Variants in MYLK observed in about 807,000 individuals in gnomAD.
The protein encoded by MYLK is myosin light chain kinase, smooth muscle.
A neutral mutation model predicts 203.4 loss-of-function variants in MYLK; 106 were observed. The ratio of observed to expected loss-of-function variants is 0.52; its 90% CI spans 0.45 to 0.61. MYLK has a LOEUF of 0.61. Among genes scored for constraint, MYLK ranks in the 20% least tolerant of loss-of-function variants. MYLK has a pLI of 0.00. For synonymous variants in MYLK, 867 were observed against 959.5 expected (o/e 0.90, Z 1.78); for missense variants, 2,072 against 2,442.3 (o/e 0.85, Z 3.20).
chr3:123,664,376 C>T (rs886841855), intron 22 of MYLK, 118 bp from the exon 23 acceptor site: 3 of 1,423,722 alleles, frequency 2.1e-6, no homozygotes, highest in Non-Finnish European at 3.0e-6. Flanking sequence ...TGTGGGGGGG[C>T]TCAGTCTGGT....
At chr3:123,617,340 A>G (rs1007578764) in intron 33 of MYLK, 1 of 152,166 alleles carries the variant, frequency 6.6e-6, no homozygotes, top group Non-Finnish European at 1.5e-5. Flanking sequence ...CCCAAATGCA[A>G]TGGTAATGGT....
Position 123,694,534 on chromosome 3 carries a change from G to T in MYLK, c.3449-1683C>A, listed in dbSNP as rs188493276. Among the ~76,000 whole-genome samples the T allele has an allele frequency of 1.9e-3, 291 of 152,278 alleles. 1 individual carries two copies. Among genetic ancestry groups the T allele is most frequent in the African/African-American group, 6.5e-3 (271 of 41,568 alleles). ...GCTTAGCAGAGACCAATCCCATCTGGAAATTTTCCCTCAAGTCAGGGTGGG... is the reference window on the plus strand; with the variant it reads ...GCTTAGCAGAGACCAATCCCATCTGTAAATTTTCCCTCAAGTCAGGGTGGG... On this transcript the variant is annotated intron_variant, in intron 18 of 33. Coordinates refer to ENST00000360304, the MANE Select transcript of MYLK (RefSeq NM_053025.4).
chr3:123,740,464 T>A (rs1430738647), intron 5 of MYLK, among the ~76,000 whole-genome samples: 1 of 152,244 alleles, frequency 6.6e-6, no homozygotes, highest in Non-Finnish European at 1.5e-5. Context: ...GCCTATCTCT[T>A]ACCACACCTA....
intron 19 of MYLK, among the ~76,000 whole-genome samples, chr3:123,688,205 C>T (rs2060530636): frequency 6.6e-6 from 1 of 152,088 alleles, no homozygotes; most frequent in Non-Finnish European, 1.5e-5. Flanking sequence ...GGATGGCTCC[C>T]TGTATCCCAC....
chr3:123,636,893 T>C (rs941357389), intron 29 of MYLK, among the ~76,000 whole-genome samples: 1 of 152,222 alleles, frequency 6.6e-6, no homozygotes, highest in African/African-American at 2.4e-5. Context: ...GGGACTGTCC[T>C]AACAGGCTAT....
At chr3:123,796,124 A>T (rs1169595378) in intron 3 of MYLK, among the ~76,000 whole-genome samples, 1 of 152,198 alleles carries the variant, frequency 6.6e-6, no homozygotes, top group Non-Finnish European at 1.5e-5. Flanking sequence ...GTAGCAATAA[A>T]AGCAAACACT....
intron 2 of MYLK, among the ~76,000 whole-genome samples, chr3:123,837,221 A>G (rs2066493828): frequency 6.6e-6 from 1 of 151,968 alleles, no homozygotes; most frequent in Non-Finnish European, 1.5e-5. Context: ...TAGTAGACAC[A>G]GGGTTTTACC....
intron 3 of MYLK, among the ~76,000 whole-genome samples, chr3:123,809,112 A>G (rs1377234903): frequency 2.0e-5 from 3 of 152,186 alleles, no homozygotes; most frequent in African/African-American, 7.2e-5. Context: ...TTCTCAGTCT[A>G]TAGATAAGAA....
intron 4 of MYLK, among the ~76,000 whole-genome samples, chr3:123,775,256 C>T (rs982579262): frequency 2.0e-5 from 3 of 152,158 alleles, no homozygotes; most frequent in African/African-American, 7.2e-5. Flanking sequence ...TGGTCTCGAA[C>T]TGCTGGCTTC....
chr3:123,727,948 A>G (rs905084605), intron 11 of MYLK, among the ~76,000 whole-genome samples: 1 of 152,210 alleles, frequency 6.6e-6, no homozygotes, highest in African/African-American at 2.4e-5. Flanking sequence ...AGGAGGAGCT[A>G]AAAGAACACC....
chr3:123,750,682 G>C (rs2063165418), intron 5 of MYLK, among the ~76,000 whole-genome samples: 1 of 152,148 alleles, frequency 6.6e-6, no homozygotes, highest in Non-Finnish European at 1.5e-5. Context: ...AATTTCCCCA[G>C]CTCTAAACAG....
chr3:123,803,214 C>T (rs573402407), intron 3 of MYLK, among the ~76,000 whole-genome samples: 6 of 152,142 alleles, frequency 3.9e-5, no homozygotes, highest in Non-Finnish European at 7.3e-5. Flanking sequence ...AAGATTGTTA[C>T]GAGGGTCAGC....
In MYLK at chr3:123,622,094, A is replaced by C. The variant is rs192945318; in HGVS notation, c.5239-1758T>G. 2.6e-5 allele frequency: 4 copies of C among 152,344 alleles called. No individual in the cohort carries two copies. The East Asian group carries it at 7.7e-4, about 29-fold the overall frequency. The allele number at this position is 152,344 out of a possible 1,614,324, so 9.4% of individuals were successfully genotyped here. On this transcript the variant is annotated intron_variant, in intron 31 of 33. Transcript: ENST00000360304. ...GGTTACCCTGCCCTCAGGAACAGGT[A>C]AGAGGTGGTACCAGCCATGGCAGCC...
chr3:123,673,479 G>A (rs1049465272), intron 20 of MYLK, among the ~76,000 whole-genome samples: 8 of 151,834 alleles, frequency 5.3e-5, no homozygotes, highest in Admixed American at 2.6e-4. Context: ...CAGATCCCCA[G>A]AGGACTTCTC....
chr3:123,779,285 G>A (rs888186726), intron 4 of MYLK, among the ~76,000 whole-genome samples: 2 of 152,240 alleles, frequency 1.3e-5, no homozygotes, highest in Non-Finnish European at 2.9e-5. Context: ...CCTTGCACAC[G>A]GATGAGGCAG....
At chr3:123,739,877 C>T in intron 6 of MYLK, 76 bp downstream of exon 6, 4 of 1,512,724 alleles carry the variant, frequency 2.6e-6, no homozygotes, top group Non-Finnish European at 3.7e-6. Context: ...CCAAGACTTA[C>T]TCCCCAGACC....
intron 2 of MYLK, among the ~76,000 whole-genome samples, chr3:123,832,825 C>T (rs1447738284): frequency 6.6e-6 from 1 of 152,184 alleles, no homozygotes; most frequent in Non-Finnish European, 1.5e-5. Context: ...AAAAATTCTA[C>T]TATTTGTAAA....
At chr3:123,707,301 C>A (rs1330529177) in intron 16 of MYLK, among the ~76,000 whole-genome samples, 1 of 152,252 alleles carries the variant, frequency 6.6e-6, no homozygotes, top group African/African-American at 2.4e-5. Flanking sequence ...GCAGCCCCTG[C>A]TGACATCTTG....
intron 4 of MYLK, among the ~76,000 whole-genome samples, chr3:123,767,717 G>A (rs2063751275): frequency 6.6e-6 from 1 of 152,236 alleles, no homozygotes; most frequent in Non-Finnish European, 1.5e-5. Flanking sequence ...GAGGAGTGGG[G>A]AAGAAGTAAG....
Sources: allele counts gnomAD v4.1 joint callset (sites outside exome capture counted in the v4.1 genomes callset), GRCh38; gene constraint gnomAD v4.1.1; transcripts MANE v1.5; gene names NCBI Gene and HGNC (gene_info 2026-07-23, HGNC 2026-07-21).